NEDD9: variants seen among roughly 807,000 people sequenced by gnomAD.
The protein encoded by NEDD9 is neural precursor cell expressed, developmentally down-regulated 9, also known as enhancer of filamentation 1.
A neutral mutation model predicts 76.6 loss-of-function variants in NEDD9; 26 were observed. The observed-to-expected ratio is 0.34, with a 90% CI of 0.25 to 0.47. The LOEUF is 0.47. Among genes scored for constraint, NEDD9 ranks in the 20% least tolerant of loss-of-function variants. NEDD9 has a pLI of 1.00. For missense variants in NEDD9, 937 were observed against 1,058.5 expected, an observed-to-expected ratio of 0.89 and a Z score of 1.59; for synonymous variants, 392 against 414.2, an observed-to-expected ratio of 0.95 and a Z score of 0.65.
At chr6:11,338,010 G>T (rs1762198587) in intron 1 of NEDD9, among the ~76,000 whole-genome samples, 1 of 152,102 alleles carries the variant, frequency 6.6e-6, no homozygotes, top group Non-Finnish European at 1.5e-5. Context: ...TTAACTCTGG[G>T]TAAGTGTCCC....
chr6:11,282,282 T>C (rs1189903189), intron 3 of NEDD9, among the ~76,000 whole-genome samples: 1 of 152,228 alleles, frequency 6.6e-6, no homozygotes, highest in Non-Finnish European at 1.5e-5. Flanking sequence ...GGCTTACATG[T>C]TACCATGCTT....
At chr6:11,257,815 T>C (rs1046427329) in intron 3 of NEDD9, among the ~76,000 whole-genome samples, 3 of 104,258 alleles carry the variant, frequency 2.9e-5, no homozygotes, top group Non-Finnish European at 5.3e-5. Context: ...GTGTGTGCAG[T>C]ACGGCATCAA....
chr6:11,377,721 A>T (rs1378638134), intron 1 of NEDD9, among the ~76,000 whole-genome samples: 1 of 152,204 alleles, frequency 6.6e-6, no homozygotes, highest in Admixed American at 6.5e-5. Flanking sequence ...CTGGGAGAAG[A>T]TGATTGTATT....
intron 1 of NEDD9, among the ~76,000 whole-genome samples, chr6:11,223,872 C>T (rs1352227371): frequency 2.0e-5 from 3 of 152,182 alleles, no homozygotes; most frequent in Non-Finnish European, 2.9e-5. Flanking sequence ...AGCACAACAT[C>T]TTAGACAGTT....
rs1758864689 is a variant in NEDD9, at chr6:11,213,849, A to G, written c.13-122T>C. ...GAAAGAGAGAAGCATAAATCTGAAC[A>G]ATAGACTGTAAGGAGAAAAACAGAT... On this transcript the variant is annotated intron_variant, in intron 1 of 6. Coordinates refer to ENST00000379446, the MANE Select transcript of NEDD9 (RefSeq NM_006403.4). This position sits in a 1 kb window ranked among gnomAD's most constrained non-coding sequence, Gnocchi z 5.4. The G allele has an allele frequency of 1.2e-6, 1 of 862,288 alleles. No homozygotes were observed. The highest frequency in any genetic ancestry group is 2.7e-5 in the Admixed American group (1 of 37,564). The allele number at this position is 862,288 out of a possible 1,614,324, so 53.4% of individuals were successfully genotyped here. A position where few individuals can be genotyped will look rare whatever the true frequency, so the allele number is the denominator to read the frequency against.
chr6:11,266,393 C>A (rs1205426482), intron 3 of NEDD9, among the ~76,000 whole-genome samples: 1 of 152,082 alleles, frequency 6.6e-6, no homozygotes, highest in Non-Finnish European at 1.5e-5. Flanking sequence ...TTACAATGCA[C>A]AGGGCAACTC....
chr6:11,190,741 G>A lies in NEDD9; in HGVS notation c.1128C>T (p.Thr376=). 2 of 1,614,130 alleles carry A rather than the reference G, an allele frequency of 1.2e-6. No homozygotes were observed. Among genetic ancestry groups the A allele is most frequent in the Non-Finnish European group, 1.7e-6 (2 of 1,180,028 alleles). ...NRLSFSSTGS[T]RSNMSTSSTS... is the part of the protein sequence containing the mutation. ...TGGAAGACGTGGACATGTTACTCCG[G>A]GTGCTGCCTGTACTGGAGAAAGACA... Residue 376 remains threonine (T), a synonymous_variant, in exon 5 of 7, where the codon ACC becomes ACT. Coordinates refer to ENST00000379446, the MANE Select transcript of NEDD9 (RefSeq NM_006403.4). The surrounding 1 kb of genome is among the most constrained non-coding windows in gnomAD (Gnocchi z 5.8).
intron 2 of NEDD9, among the ~76,000 whole-genome samples, chr6:11,210,189 A>G (rs1188463518): frequency 6.6e-6 from 1 of 152,094 alleles, no homozygotes. Context: ...AAGGAGCTCA[A>G]TAAGATGCAG....
chr6:11,375,597 C>T (rs1359923228), intron 1 of NEDD9, among the ~76,000 whole-genome samples: 1 of 152,002 alleles, frequency 6.6e-6, no homozygotes, highest in African/African-American at 2.4e-5. Flanking sequence ...TAGTGCTGTC[C>T]CTTTGATGGT....
chr6:11,362,676 G>A (rs1762698626), intron 1 of NEDD9, among the ~76,000 whole-genome samples: 1 of 152,220 alleles, frequency 6.6e-6, no homozygotes, highest in African/African-American at 2.4e-5. Context: ...GTTGACTATA[G>A]TCATCCAGGA....
chr6:11,197,251 GCT>G (rs1491250289), intron 2 of NEDD9, among the ~76,000 whole-genome samples: 2 of 136,012 alleles, frequency 1.5e-5, no homozygotes, highest in African/African-American at 5.4e-5. Flanking sequence ...CCCTCTGTTT[GCT>G]TTTTTTTTTT....
At chr6:11,379,569 A>C (rs1763026659) in intron 1 of NEDD9, among the ~76,000 whole-genome samples, 1 of 152,172 alleles carries the variant, frequency 6.6e-6, no homozygotes, top group Non-Finnish European at 1.5e-5. Context: ...ACAGAGTGAG[A>C]CTTTGTCTCA....
chr6:11,274,709 A>C (rs1296741778), intron 3 of NEDD9, among the ~76,000 whole-genome samples: 1 of 152,184 alleles, frequency 6.6e-6, no homozygotes, highest in Non-Finnish European at 1.5e-5. Flanking sequence ...AGCATGAAAA[A>C]ACCAATGATG....
intron 3 of NEDD9, among the ~76,000 whole-genome samples, chr6:11,278,205 C>T (rs758917952): frequency 6.6e-6 from 1 of 152,190 alleles, no homozygotes; most frequent in Non-Finnish European, 1.5e-5. Context: ...CCTTGAATTG[C>T]GCTCTTTTCC....
At chr6:11,230,126 G>A (rs867772014) in intron 1 of NEDD9, among the ~76,000 whole-genome samples, 3 of 152,126 alleles carry the variant, frequency 2.0e-5, no homozygotes, top group African/African-American at 7.2e-5. Flanking sequence ...TAAGTGGCTC[G>A]AATTAAACAA....
chr6:11,338,325 C>T (rs1222359814), intron 1 of NEDD9, among the ~76,000 whole-genome samples: 1 of 152,162 alleles, frequency 6.6e-6, no homozygotes, highest in Non-Finnish European at 1.5e-5. Context: ...TAGGAGAGAG[C>T]CACAGGTTCT....
Position 11,281,201 on chromosome 6 carries a change from G to A in NEDD9, c.12+24791C>T, listed in dbSNP as rs1581996766. Among the ~76,000 whole-genome samples the A allele has an allele frequency of 3.9e-5, 6 of 152,290 alleles. 1 individual carries two copies. The South Asian group carries it at 1.2e-3, about 32-fold the overall frequency. On this transcript the variant is annotated intron_variant, in intron 3 of 3. Coordinates refer to the NEDD9 transcript ENST00000397378. Reference sequence around the variant, plus strand: ...GTTGAACCAAGAACTACCCTTTTAAGTCTTCTTTCTTGCTTACAGAACCCT... The same window carrying A: ...GTTGAACCAAGAACTACCCTTTTAAATCTTCTTTCTTGCTTACAGAACCCT...
intron 1 of NEDD9, among the ~76,000 whole-genome samples, chr6:11,379,764 T>C (rs1205635632): frequency 6.6e-6 from 1 of 152,138 alleles, no homozygotes; most frequent in Non-Finnish European, 1.5e-5. Flanking sequence ...TAGCTACCAG[T>C]GCCTGTTGAT....
At chr6:11,342,364 C>T (rs948778474) in intron 1 of NEDD9, among the ~76,000 whole-genome samples, 2 of 151,932 alleles carry the variant, frequency 1.3e-5, no homozygotes, top group African/African-American at 4.8e-5. Flanking sequence ...ATAAAGGAAG[C>T]CCCACCTAAG....
Sources: gnomAD v4.1 joint callset for allele counts (sites outside exome capture counted in the v4.1 genomes callset) on GRCh38, gnomAD v4.1.1 for gene constraint, Gnocchi (gnomAD v3.1) non-coding constraint, MANE v1.5 for transcripts, NCBI Gene and HGNC (gene_info 2026-07-23, HGNC 2026-07-21) for gene names.